Variants in LUZP2 observed in about 807,000 individuals in gnomAD.
LUZP2 encodes the protein leucine zipper protein 2.
A neutral mutation model predicts 51.6 loss-of-function variants in LUZP2; 52 were observed. The ratio of observed to expected loss-of-function variants is 1.01; its 90% CI spans 0.81 to 1.27. The LOEUF is 1.27. Among genes scored for constraint, LUZP2 ranks in the 50% most tolerant of loss-of-function variants. The probability of loss-of-function intolerance (pLI) is 0.00; values close to 1 mark genes in which losing one functional copy is unlikely to be tolerated. For synonymous variants in LUZP2, 154 were observed against 137.3 expected, an observed-to-expected ratio of 1.12 and a Z score of -0.85; for missense variants, 436 against 395.4, an observed-to-expected ratio of 1.10 and a Z score of -0.87.
chr11:24,970,430 A>G (rs145654508), intron 7 of LUZP2, among the ~76,000 whole-genome samples: 27 of 152,322 alleles, frequency 1.8e-4, no homozygotes, highest in African/African-American at 6.0e-4. Context: ...AGTGAAATTT[A>G]TCAGAGAAAT....
rs77906345 is a variant in LUZP2 at position 24,839,196 on chromosome 11, C to G, written c.397-66795C>G. 1.4e-3 allele frequency among the ~76,000 whole-genome samples: 208 copies of G among 151,566 alleles called. 1 individual carries two copies. Among genetic ancestry groups the G allele is most frequent in the Non-Finnish European group, 2.4e-3 (161 of 67,578 alleles). On this transcript the variant is annotated intron_variant, in intron 5 of 11. Coordinates refer to ENST00000336930, the MANE Select transcript of LUZP2 (RefSeq NM_001009909.4). Reference sequence around the variant, plus strand: ...TTCAAATAATTTTTTAAAAAGTTGACCCCAATTAGTCTAGGAATGATTCTC... The same window carrying G: ...TTCAAATAATTTTTTAAAAAGTTGAGCCCAATTAGTCTAGGAATGATTCTC...
At chr11:24,640,283 T>C (rs745371425) in intron 1 of LUZP2, among the ~76,000 whole-genome samples, 6 of 151,950 alleles carry the variant, frequency 3.9e-5, no homozygotes, top group Non-Finnish European at 7.3e-5. Context: ...AAGGGCATCT[T>C]GGTCGTTACT....
At chr11:24,547,806 A>C (rs1851605423) in intron 1 of LUZP2, among the ~76,000 whole-genome samples, 1 of 152,180 alleles carries the variant, frequency 6.6e-6, no homozygotes, top group African/African-American at 2.4e-5. Flanking sequence ...AAATATTTGC[A>C]AACTATGCAT....
intron 5 of LUZP2, among the ~76,000 whole-genome samples, chr11:24,780,210 A>C (rs1158488122): frequency 6.6e-6 from 1 of 152,136 alleles, no homozygotes; most frequent in East Asian, 1.9e-4. Context: ...GGTGGATTCC[A>C]TTTCCAGCTA....
chr11:24,709,296 T>C (rs1857729937), intron 1 of LUZP2, among the ~76,000 whole-genome samples: 1 of 152,098 alleles, frequency 6.6e-6, no homozygotes, highest in African/African-American at 2.4e-5. Flanking sequence ...ATTCAGAATA[T>C]TATAGAAAAA....
intron 1 of LUZP2, among the ~76,000 whole-genome samples, chr11:24,709,529 C>T (rs1857736805): frequency 6.6e-6 from 1 of 152,028 alleles, no homozygotes; most frequent in Non-Finnish European, 1.5e-5. Flanking sequence ...ATTGTATTTA[C>T]ATTTTGTAGT....
rs186952302 is a variant in LUZP2, at chr11:24,708,418, A to G, written c.63-20751A>G. ...TAACCTCATTTATCAAAATTTTTAT[A>G]GTCTTTTCTCCCCACATTTTTAACA... On this transcript the variant is annotated intron_variant, in intron 1 of 11. Coordinates refer to ENST00000336930, the MANE Select transcript of LUZP2 (RefSeq NM_001009909.4). Among the ~76,000 whole-genome samples the G allele has an allele frequency of 2.4e-4, 36 of 152,314 alleles. No individual in the cohort carries two copies. In the East Asian group the frequency reaches 6.2e-3, roughly 26 times the overall value.
chr11:24,824,366 CAAAAAAAAAAAAAA>C (rs3078050), intron 5 of LUZP2, among the ~76,000 whole-genome samples: 1 of 27,562 alleles, frequency 3.6e-5, no homozygotes, highest in African/African-American at 1.1e-4. Context: ...AACCCCATCT[CAAAAAAAAAAAAAA>C]AAAAAAAAAA....
intron 1 of LUZP2, among the ~76,000 whole-genome samples, chr11:24,671,752 C>T (rs575181984): frequency 2.6e-5 from 4 of 152,160 alleles, no homozygotes; most frequent in South Asian, 4.1e-4. Context: ...GAACATTACA[C>T]GAACCTAGTT....
At chr11:24,956,563 G>A (rs1025149780) in intron 7 of LUZP2, among the ~76,000 whole-genome samples, 1 of 152,122 alleles carries the variant, frequency 6.6e-6, no homozygotes, top group Non-Finnish European at 1.5e-5. Context: ...CATGTGCTGA[G>A]TGAAAATGTT....
chr11:24,807,697 C>T (rs1849896410), intron 5 of LUZP2, among the ~76,000 whole-genome samples: 1 of 151,988 alleles, frequency 6.6e-6, no homozygotes, highest in Admixed American at 6.6e-5. Context: ...TCATGTTGGC[C>T]TCTCTGTGTA....
intron 5 of LUZP2, among the ~76,000 whole-genome samples, chr11:24,898,285 C>T (rs1287634644): frequency 6.6e-6 from 1 of 151,882 alleles, no homozygotes; most frequent in Non-Finnish European, 1.5e-5. Context: ...ATCCTTGTAT[C>T]TGTTTTCAGG....
chr11:24,918,564 A>C (rs1389393067), intron 7 of LUZP2, among the ~76,000 whole-genome samples: 2 of 151,886 alleles, frequency 1.3e-5, no homozygotes, highest in African/African-American at 2.4e-5. Flanking sequence ...ACGTATCTCA[A>C]AATAATAAGA....
chr11:24,656,860 A>G (rs1344895312), intron 1 of LUZP2, among the ~76,000 whole-genome samples: 1 of 152,152 alleles, frequency 6.6e-6, no homozygotes, highest in Non-Finnish European at 1.5e-5. Context: ...CTGCCAGTAA[A>G]TGCTCATATG....
In LUZP2 at chr11:24,824,366, CAAAAAAAA is replaced by C. The variant is rs3078050; in HGVS notation, c.396+61078_396+61085del. ...GAGCAAGAAGAGCAAAACCCCATCT[CAAAAAAAA>C]AAAAAAAAAAAAAAAAAAATGAGTG... is the stretch of plus-strand genomic sequence containing the variant. On this transcript the variant is annotated intron_variant, in intron 5 of 11. Transcript: ENST00000336930. Among the ~76,000 whole-genome samples, 24 of 27,580 alleles carry C rather than the reference CAAAAAAAA, an allele frequency of 8.7e-4. 1 individual carries two copies. Among genetic ancestry groups the C allele is most frequent in the Admixed American group, 1.4e-3 (2 of 1,380 alleles). The allele number at this position is 27,580 out of a possible 152,430, so 18.1% of individuals were successfully genotyped here.
chr11:24,960,788 G>C (rs1242108316), intron 7 of LUZP2, among the ~76,000 whole-genome samples: 1 of 152,050 alleles, frequency 6.6e-6, no homozygotes, highest in Non-Finnish European at 1.5e-5. Flanking sequence ...CCTTCTGCTA[G>C]CTTTTGAATG....
chr11:24,721,030 G>A (rs920961164), intron 1 of LUZP2, among the ~76,000 whole-genome samples: 1 of 152,048 alleles, frequency 6.6e-6, no homozygotes, highest in Admixed American at 6.6e-5. Flanking sequence ...AGTTACCTAC[G>A]GTTACTTTTT....
At chr11:25,017,346 C>T (rs1468731870) in intron 9 of LUZP2, among the ~76,000 whole-genome samples, 1 of 152,072 alleles carries the variant, frequency 6.6e-6, no homozygotes, top group African/African-American at 2.4e-5. Context: ...TTCTTTACTA[C>T]AATGTCCAGA....
intron 5 of LUZP2, among the ~76,000 whole-genome samples, chr11:24,898,704 C>A (rs544142937): frequency 2.4e-4 from 36 of 151,370 alleles, no homozygotes; most frequent in Non-Finnish European, 4.0e-4. Context: ...GTGACAATTT[C>A]TTGTGTAAAA....
Sources: gnomAD v4.1 joint callset for allele counts (sites outside exome capture counted in the v4.1 genomes callset) on GRCh38, gnomAD v4.1.1 for gene constraint, MANE v1.5 for transcripts, NCBI Gene and HGNC (gene_info 2026-07-23, HGNC 2026-07-21) for gene names.